The following SUMF1 variants were observed in gnomAD, a reference collection of about 807,000 sequenced individuals.
The protein encoded by SUMF1 is formylglycine-generating enzyme.
In SUMF1, 48 loss-of-function variants were observed where a neutral mutation model predicts 47.6. That is an observed-to-expected ratio of 1.01 (90% CI 0.80 to 1.28). The LOEUF (loss-of-function observed/expected upper bound fraction) is 1.28. Among genes scored for constraint, SUMF1 ranks in the 50% most tolerant of loss-of-function variants. SUMF1 has a pLI of 0.00. For synonymous variants in SUMF1, 230 were observed against 192.1 expected (o/e 1.20, Z -1.63); for missense variants, 571 against 485.4 (o/e 1.18, Z -1.66).
chr3:4,102,102 A>T (rs1693047307), intron 8 of SUMF1, among the ~76,000 whole-genome samples: 1 of 152,174 alleles, frequency 6.6e-6, no homozygotes, highest in Non-Finnish European at 1.5e-5. Context: ...CATTGGGTCC[A>T]TCCCACGATA....
At chr3:4,180,683 A>ACCACACACACACACACACACACACAC (rs1553606607) in intron 8 of SUMF1, among the ~76,000 whole-genome samples, 1 of 139,642 alleles carries the variant, frequency 7.2e-6, no homozygotes, top group Non-Finnish European at 1.5e-5. Context: ...CCTAGAACTT[A>ACCACACACACACACACACACACACAC]ACACACACAC....
At chr3:4,224,863 T>C (rs1415275210) in intron 8 of SUMF1, among the ~76,000 whole-genome samples, 1 of 152,112 alleles carries the variant, frequency 6.6e-6, no homozygotes, top group Non-Finnish European at 1.5e-5. Context: ...TGAAGTTGTG[T>C]CCTGATTCTC....
chr3:4,277,155 G>T (rs980325275), intron 8 of SUMF1, among the ~76,000 whole-genome samples: 5 of 152,004 alleles, frequency 3.3e-5, no homozygotes, highest in African/African-American at 1.2e-4. Flanking sequence ...CAAACTGAAC[G>T]TCTGTATTTT....
intron 8 of SUMF1, among the ~76,000 whole-genome samples, chr3:4,205,431 G>T (rs547036171): frequency 1.3e-5 from 2 of 152,096 alleles, no homozygotes; most frequent in African/African-American, 2.4e-5. Context: ...CTCTTCACAC[G>T]GACACATGAG....
At chr3:4,057,252 C>G (rs1695208975) in intron 9 of SUMF1, among the ~76,000 whole-genome samples, 2 of 152,024 alleles carry the variant, frequency 1.3e-5, no homozygotes, top group African/African-American at 4.8e-5. Flanking sequence ...GAGAAATGAG[C>G]AAGGAGTCTG....
chr3:4,112,425 T>C (rs753822122), intron 8 of SUMF1, among the ~76,000 whole-genome samples: 1 of 152,160 alleles, frequency 6.6e-6, no homozygotes, highest in Non-Finnish European at 1.5e-5. Flanking sequence ...CAAGAATAGA[T>C]AAAATTGCTA....
chr3:4,403,158 T>A (rs1425831794), intron 7 of SUMF1, among the ~76,000 whole-genome samples: 1 of 152,198 alleles, frequency 6.6e-6, no homozygotes, highest in Admixed American at 6.5e-5. Context: ...GAAGTAGAAA[T>A]CTTCATCCCC....
At chr3:4,291,139 A>T (rs1159902238) in intron 8 of SUMF1, among the ~76,000 whole-genome samples, 1 of 152,152 alleles carries the variant, frequency 6.6e-6, no homozygotes, top group Non-Finnish European at 1.5e-5. Context: ...ACTATTCCCG[A>T]TAACTCTATC....
At chr3:4,202,350 T>C (rs1263339511) in intron 8 of SUMF1, among the ~76,000 whole-genome samples, 4 of 152,080 alleles carry the variant, frequency 2.6e-5, no homozygotes, top group Admixed American at 2.6e-4. Context: ...GTGCCATTTA[T>C]TGAAGAGACT....
intron 8 of SUMF1, among the ~76,000 whole-genome samples, chr3:4,078,579 TG>T (rs1157169897): frequency 6.6e-6 from 1 of 151,994 alleles, no homozygotes; most frequent in Non-Finnish European, 1.5e-5. Flanking sequence ...TTAAATGATT[TG>T]CATACATTAA....
intron 8 of SUMF1, among the ~76,000 whole-genome samples, chr3:4,282,815 A>C (rs1239641890): frequency 6.6e-6 from 1 of 152,192 alleles, no homozygotes; most frequent in Non-Finnish European, 1.5e-5. Flanking sequence ...TGGAGACTTA[A>C]TATCTCCAAA....
In SUMF1 at chr3:4,361,897, T is replaced by C. The variant is rs1354825655; in HGVS notation, c.*247A>G. 3 of 485,706 alleles carry C rather than the reference T, an allele frequency of 6.2e-6. No homozygotes were observed. The highest frequency in any genetic ancestry group is 1.1e-5 in the Non-Finnish European group (3 of 264,738). 30.1% of individuals were successfully genotyped at this position (485,706 alleles called of 1,614,324 possible). A position where few individuals can be genotyped will look rare whatever the true frequency, so the allele number is the denominator to read the frequency against. Reference sequence around the variant, plus strand: ...AGCTCAGGGTTCCCTCCACTCCCCTTCCTCTTTAAAGACTCTCAAAAGTAA... The same window carrying C: ...AGCTCAGGGTTCCCTCCACTCCCCTCCCTCTTTAAAGACTCTCAAAAGTAA... On this transcript the variant is annotated 3_prime_UTR_variant, in exon 9 of 9. Transcript: ENST00000272902.
chr3:4,170,754 A>G (rs907131263), intron 8 of SUMF1, among the ~76,000 whole-genome samples: 3 of 152,204 alleles, frequency 2.0e-5, no homozygotes, highest in African/African-American at 7.2e-5. Flanking sequence ...TCAACAAATG[A>G]TGATGGAACA....
intron 8 of SUMF1, among the ~76,000 whole-genome samples, chr3:4,083,791 T>A (rs1692615942): frequency 7.0e-6 from 1 of 143,460 alleles, no homozygotes. Flanking sequence ...ATTAATCAGA[T>A]ACAAATACAA....
intron 7 of SUMF1, among the ~76,000 whole-genome samples, chr3:4,382,862 T>C (rs574807431): frequency 4.0e-5 from 6 of 150,802 alleles, no homozygotes; most frequent in South Asian, 2.1e-4. Context: ...CAGGAGGGAG[T>C]TGAACAATGA....
At chr3:4,264,984 T>C (rs923098684) in intron 8 of SUMF1, among the ~76,000 whole-genome samples, 1 of 151,810 alleles carries the variant, frequency 6.6e-6, no homozygotes, top group Admixed American at 6.6e-5. Flanking sequence ...AAATACAAAA[T>C]TAGCTGTGTG....
chr3:4,208,687 C>T (rs557988195), intron 8 of SUMF1, among the ~76,000 whole-genome samples: 7 of 151,740 alleles, frequency 4.6e-5, no homozygotes, highest in East Asian at 1.9e-4. Flanking sequence ...AAATGAAGAA[C>T]GTCTTTAATG....
intron 8 of SUMF1, among the ~76,000 whole-genome samples, chr3:4,233,806 G>T (rs1696351888): frequency 6.6e-6 from 1 of 152,146 alleles, no homozygotes; most frequent in South Asian, 2.1e-4. Context: ...AGAAAAAAGG[G>T]TATGTGGTTA....
chr3:4,278,753 C>A (rs1465589745), intron 8 of SUMF1, among the ~76,000 whole-genome samples: 1 of 152,084 alleles, frequency 6.6e-6, no homozygotes, highest in East Asian at 1.9e-4. Flanking sequence ...ACATGGTATT[C>A]TTTCAAAATG....
Sources: gnomAD v4.1 joint callset for allele counts (sites outside exome capture counted in the v4.1 genomes callset) on GRCh38, gnomAD v4.1.1 for gene constraint, MANE v1.5 for transcripts, NCBI Gene and HGNC (gene_info 2026-07-23, HGNC 2026-07-21) for gene names.